The following NCALD variants were observed in gnomAD, a reference collection of about 807,000 sequenced individuals.
NCALD encodes the protein neurocalcin delta.
Under a neutral mutation model 18.6 loss-of-function variants are expected in NCALD, and 10 were observed. The ratio of observed to expected loss-of-function variants is 0.54; its 90% CI spans 0.33 to 0.91. The LOEUF is 0.91. Among genes scored for constraint, NCALD ranks in the 40% least tolerant of loss-of-function variants. NCALD has a pLI of 0.03. For missense variants in NCALD, 184 were observed against 247.6 expected (o/e 0.74, Z 1.72); for synonymous variants, 88 against 87.4 (o/e 1.01, Z -0.04).
At chr8:101,877,713 T>C (rs1471699578) in intron 4 of NCALD, among the ~76,000 whole-genome samples, 63 of 152,360 alleles carry the variant, frequency 4.1e-4, no homozygotes, top group Non-Finnish European at 2.9e-5. Flanking sequence ...TAAGTGACTT[T>C]GGGCAAATGA....
chr8:101,857,270 G>C (rs545737643), intron 4 of NCALD, among the ~76,000 whole-genome samples: 20 of 152,224 alleles, frequency 1.3e-4, no homozygotes, highest in Admixed American at 1.3e-3. Context: ...TTCTGACTGA[G>C]ATAGTTTCAA....
At position 101,777,931 on chromosome 8, in the gene NCALD, A is replaced by C. The variant is rs1811860944; in HGVS notation, c.-20+12931T>G. Among the ~76,000 whole-genome samples the C allele has an allele frequency of 3.3e-5, 5 of 152,342 alleles. No homozygotes were observed. In the South Asian group the frequency reaches 1.0e-3, roughly 32 times the overall value. ...AAGAGATTTTAGAGAGAGCTAATGAAGAGATGAGAGCTGTTCTTCTCAACA... is the reference window on the plus strand; with the variant it reads ...AAGAGATTTTAGAGAGAGCTAATGACGAGATGAGAGCTGTTCTTCTCAACA... On this transcript the variant is annotated intron_variant, in intron 1 of 3. Coordinates refer to ENST00000220931, the MANE Select transcript of NCALD (RefSeq NM_032041.3).
chr8:101,888,073 T>C (rs1022413076), intron 3 of NCALD, among the ~76,000 whole-genome samples: 1 of 152,212 alleles, frequency 6.6e-6, no homozygotes, highest in Admixed American at 6.5e-5. Flanking sequence ...GAGGGCCCAT[T>C]GCTGAATCGG....
chr8:102,008,642 A>C (rs1288859078), intron 2 of NCALD, among the ~76,000 whole-genome samples: 1 of 152,106 alleles, frequency 6.6e-6, no homozygotes. Context: ...ATCTGTACAA[A>C]CAAACCTTGA....
intron 1 of NCALD, among the ~76,000 whole-genome samples, chr8:102,049,190 A>T (rs1373268244): frequency 1.3e-5 from 2 of 152,190 alleles, no homozygotes; most frequent in Non-Finnish European, 2.9e-5. Flanking sequence ...CTGCAGTTTC[A>T]ACTAACATCT....
At chr8:102,040,543 C>A (rs1307632213) in intron 1 of NCALD, among the ~76,000 whole-genome samples, 3 of 152,022 alleles carry the variant, frequency 2.0e-5, no homozygotes, top group Non-Finnish European at 1.5e-5. Context: ...GCTTGTGTAT[C>A]AACCTAGAGA....
chr8:101,985,779 A>G (rs1487684448), intron 2 of NCALD, among the ~76,000 whole-genome samples: 1 of 152,170 alleles, frequency 6.6e-6, no homozygotes, highest in Non-Finnish European at 1.5e-5. Context: ...TGGAAAGACT[A>G]TTTATACTCA....
At chr8:102,004,493 TACCA>T (rs1821615384) in intron 2 of NCALD, among the ~76,000 whole-genome samples, 2 of 152,212 alleles carry the variant, frequency 1.3e-5, no homozygotes, top group Non-Finnish European at 2.9e-5. Flanking sequence ...CCCATCAAGC[TACCA>T]ATGACTTTCT....
chr8:102,022,775 AG>A (rs1822319629), intron 1 of NCALD, among the ~76,000 whole-genome samples: 1 of 152,188 alleles, frequency 6.6e-6, no homozygotes, highest in African/African-American at 2.4e-5. Flanking sequence ...TTCTGCTGGA[AG>A]AAGGTATGGA....
intron 1 of NCALD, among the ~76,000 whole-genome samples, chr8:102,080,851 T>C (rs1824505560): frequency 6.6e-6 from 1 of 152,316 alleles, no homozygotes. Context: ...AGCCCACTCA[T>C]TTAATAGTGA....
chr8:102,102,787 G>T (rs911388044), intron 1 of NCALD, among the ~76,000 whole-genome samples: 3 of 152,080 alleles, frequency 2.0e-5, no homozygotes, highest in Admixed American at 1.3e-4. Context: ...AAGATCAAGG[G>T]AGAGGAGAGA....
intron 1 of NCALD, among the ~76,000 whole-genome samples, chr8:102,112,865 A>T (rs762609106): frequency 1.2e-4 from 18 of 152,168 alleles, no homozygotes; most frequent in Non-Finnish European, 2.5e-4. Context: ...CTCTCTGGCC[A>T]TGTGATCTCT....
At chr8:101,918,723 A>G (rs1818057969) in intron 2 of NCALD, among the ~76,000 whole-genome samples, 1 of 149,344 alleles carries the variant, frequency 6.7e-6, no homozygotes. Flanking sequence ...TCAAGAACAC[A>G]ATCCCATTTA....
intron 1 of NCALD, among the ~76,000 whole-genome samples, chr8:101,763,760 C>A (rs1230739041): frequency 6.6e-6 from 1 of 152,066 alleles, no homozygotes; most frequent in African/African-American, 2.4e-5. Flanking sequence ...TGCCTTCAAA[C>A]CATGACATTG....
At chr8:102,013,629 C>T (rs116974235) in intron 2 of NCALD, among the ~76,000 whole-genome samples, 4,226 of 152,062 alleles carry the variant, frequency 0.028, 101 homozygotes, top group East Asian at 0.09. Context: ...GCTTGGAACA[C>T]ATATGTAATG....
intron 2 of NCALD, among the ~76,000 whole-genome samples, chr8:101,970,873 G>C (rs1397684193): frequency 6.6e-6 from 1 of 152,174 alleles, no homozygotes; most frequent in African/African-American, 2.4e-5. Flanking sequence ...TTGTGGCAAT[G>C]CTGCAAGGTA....
chr8:101,936,763 G>C (rs1020988803), intron 2 of NCALD, among the ~76,000 whole-genome samples: 11 of 152,106 alleles, frequency 7.2e-5, no homozygotes, highest in African/African-American at 2.7e-4. Flanking sequence ...AGAACCGCTG[G>C]TCTAGGGTAG....
At chr8:101,840,092 A>T (rs1814579450) in intron 4 of NCALD, among the ~76,000 whole-genome samples, 2 of 151,548 alleles carry the variant, frequency 1.3e-5, no homozygotes, top group South Asian at 4.2e-4. Flanking sequence ...AAACATCATT[A>T]TCTGTCATCC....
intron 2 of NCALD, among the ~76,000 whole-genome samples, chr8:102,017,485 G>T (rs1449701067): frequency 1.3e-5 from 2 of 152,192 alleles, no homozygotes; most frequent in Non-Finnish European, 1.5e-5. Context: ...AGGCCAAGGT[G>T]GGTGGATCAC....
Sources: gnomAD v4.1 joint callset for allele counts (sites outside exome capture counted in the v4.1 genomes callset) on GRCh38, gnomAD v4.1.1 for gene constraint, MANE v1.5 for transcripts, NCBI Gene and HGNC (gene_info 2026-07-23, HGNC 2026-07-21) for gene names.